UNC80: variants seen among roughly 807,000 people sequenced by gnomAD.
The protein encoded by UNC80 is unc-80 subunit of NALCN channel complex, also known as protein unc-80 homolog.
Under a neutral mutation model 384.6 loss-of-function variants are expected in UNC80, and 164 were observed. That is an observed-to-expected ratio of 0.43 (90% CI 0.38 to 0.49). UNC80 has a LOEUF of 0.49. Among genes scored for constraint, UNC80 ranks in the 20% least tolerant of loss-of-function variants. The pLI, the probability that UNC80 is intolerant of heterozygous loss-of-function variation, is 0.00. For synonymous variants in UNC80, 1,486 were observed against 1,527.8 expected (o/e 0.97, Z 0.64); for missense variants, 3,330 against 4,143.0 (o/e 0.80, Z 5.39).
intron 55 of UNC80, 119 bp downstream of exon 55, chr2:209,972,443 T>A (rs2092909209): frequency 7.5e-7 from 1 of 1,335,000 alleles, no homozygotes; most frequent in Non-Finnish European, 1.0e-6. Context: ...CTGAATGATT[T>A]AAATAGGGTC....
Position 209,820,619 on chromosome 2 carries a change from AGGAGGAGGT to A in UNC80, c.2286_2294del (p.Gly764_Gly766del), listed in dbSNP as rs918663368. The A allele has an allele frequency of 6.5e-7, 1 of 1,550,180 alleles. No homozygotes were observed. Among genetic ancestry groups the A allele is most frequent in the Non-Finnish European group, 8.7e-7 (1 of 1,146,120 alleles). ...ATGGAGGAGGTGGAGGAGGTGATGG[AGGAGGAGGT>A]GGAGGAGGTGGAGGCGGCCCTTATG... On this transcript the variant is annotated inframe_deletion, in exon 13 of 65. Transcript: ENST00000673920.
At chr2:209,941,094 GCAGTAGATCTTCA>G in intron 43 of UNC80, 114 bp from the exon 44 acceptor site, 1 of 1,218,224 alleles carries the variant, frequency 8.2e-7, no homozygotes, top group Non-Finnish European at 1.1e-6. Context: ...AAACATTTCA[GCAGTAGATCTTCA>G]CATCCTGGAG....
In UNC80 at chr2:209,973,065, T is replaced by C; in HGVS notation, c.8382T>C (p.Asp2794=). 1 of 1,551,432 alleles carries C rather than the reference T, an allele frequency of 6.4e-7. No homozygotes were observed. The highest frequency in any genetic ancestry group is 8.7e-7 in the Non-Finnish European group (1 of 1,146,952). The change falls in exon 56 of 65, where the codon GAT becomes GAC. Residue 2794 remains aspartate, a splice_region_variant and synonymous_variant. Transcript: ENST00000673920. ...CGTCTTCCAAATTCTGCCCCTCAGA[T>C]AGCCCATGGCTGGAGCAGCCTGAGG... ...FVLTVGSGSK[D]SPWLEQPEVQ... is the part of the protein sequence containing the mutation.
intron 5 of UNC80, among the ~76,000 whole-genome samples, chr2:209,787,856 A>G (rs1439904507): frequency 6.6e-6 from 1 of 152,152 alleles, no homozygotes; most frequent in Non-Finnish European, 1.5e-5. Flanking sequence ...TATTATTTTT[A>G]AAAAGTTAAC....
At chr2:209,934,119 A>G (rs2091081098) in intron 39 of UNC80, 114 bp downstream of exon 39, 5 of 1,009,156 alleles carry the variant, frequency 5.0e-6, no homozygotes, top group South Asian at 4.0e-5. Flanking sequence ...TCTAACCCCC[A>G]GTATTGAGTG....
chr2:209,950,621 C>G (rs1274894937), intron 47 of UNC80, among the ~76,000 whole-genome samples: 2 of 150,700 alleles, frequency 1.3e-5, no homozygotes, highest in African/African-American at 4.9e-5. Flanking sequence ...TGCAATGGCA[C>G]AATCTCGGCT....
chr2:209,800,232 C>G (rs1253245822), intron 7 of UNC80, among the ~76,000 whole-genome samples: 1 of 152,142 alleles, frequency 6.6e-6, no homozygotes, highest in East Asian at 1.9e-4. Context: ...GCATCAATTT[C>G]AGAGCTTGCT....
intron 17 of UNC80, among the ~76,000 whole-genome samples, chr2:209,834,655 A>G (rs557372779): frequency 1.3e-5 from 2 of 152,348 alleles, no homozygotes; most frequent in Non-Finnish European, 2.9e-5. Context: ...AAAAATTAAA[A>G]TAAACTCCTA....
rs144884574 is a variant in UNC80, at chr2:209,939,203, G to A, written c.6466-269G>A. Among the ~76,000 whole-genome samples, 525 of 152,230 alleles carry A rather than the reference G, an allele frequency of 3.4e-3. 4 individuals are homozygous for A. The highest frequency in any genetic ancestry group is 0.012 in the African/African-American group (490 of 41,534). ...TTAATATTGAACTAATCTTGACAAT[G>A]CTTGCCTTATGCTCCTCTCCAGCCT... On this transcript the variant is annotated intron_variant, in intron 42 of 64. Transcript: ENST00000673920.
At chr2:209,990,874 A>G (rs758404051) in intron 61 of UNC80, among the ~76,000 whole-genome samples, 43 of 152,356 alleles carry the variant, frequency 2.8e-4, no homozygotes, top group Non-Finnish European at 2.8e-4. Context: ...TGAACCCCAA[A>G]TGGTGTAATT....
rs565774379 is a variant in UNC80 at position 209,869,499 on chromosome 2, G to A, written c.3628-3259G>A. Among the ~76,000 whole-genome samples, 5 of 152,036 alleles carry A rather than the reference G, an allele frequency of 3.3e-5. No individual in the cohort carries two copies. The South Asian group carries it at 6.2e-4, about 19-fold the overall frequency. On this transcript the variant is annotated intron_variant, in intron 22 of 64. Coordinates refer to ENST00000673920, the MANE Select transcript of UNC80 (RefSeq NM_001371986.1). ...TTATTGCCCGTAGATTTGTACCTTA[G>A]CATCACCCTCAATTTTCAGTATAGT...
In UNC80 at chr2:209,819,172, T is replaced by C. The variant is rs2079963853; in HGVS notation, c.1873T>C (p.Ser625Pro). ...TAACCTACCTCGAAGCCTCACAGAC[T>C]CCTGCATAAACTACAGCTACCTAGA... ...CANLPRSLTD[S>P]CINYSYLEDT... Residue 625 changes from serine to proline, a missense_variant, in exon 12 of 65, where the codon TCC (serine) becomes CCC (proline). This residue lies in a region of UNC80 where 937 missense variants were observed against 1,026.8 expected (regional missense o/e 0.91). Coordinates refer to ENST00000673920, the MANE Select transcript of UNC80 (RefSeq NM_001371986.1). 6.4e-7 allele frequency: 1 copy of C among 1,552,048 alleles called. No homozygotes were observed. The highest frequency in any genetic ancestry group is 1.2e-5 in the South Asian group (1 of 84,070).
chr2:209,808,765 A>ACTTCTGCGCTACTCAGCGACCTCGTTG (rs2079102352), intron 7 of UNC80: 20 of 44,554 alleles, frequency 4.5e-4, no homozygotes, highest in South Asian at 2.4e-3. Flanking sequence ...CGCCTGCGCT[A>ACTTCTGCGCTACTCAGCGACCTCGTTG]CTTCTGCGCT....
intron 22 of UNC80, among the ~76,000 whole-genome samples, chr2:209,868,509 C>A (rs912927153): frequency 1.4e-4 from 22 of 152,036 alleles, no homozygotes; most frequent in Admixed American, 1.3e-3. Context: ...TTTTAGGTCC[C>A]CAGGCAAAAT....
intron 28 of UNC80, among the ~76,000 whole-genome samples, chr2:209,901,063 T>A (rs1678091495): frequency 6.6e-6 from 1 of 152,224 alleles, no homozygotes; most frequent in Non-Finnish European, 1.5e-5. Flanking sequence ...AGTACTGATG[T>A]AGAAGTTGCA....
intron 14 of UNC80, among the ~76,000 whole-genome samples, chr2:209,826,961 G>C (rs1376169810): frequency 6.6e-6 from 1 of 151,750 alleles, no homozygotes; most frequent in East Asian, 1.9e-4. Context: ...TAGCATGCTG[G>C]GTTTCTTGCT....
Position 209,878,171 on chromosome 2 carries a change from T to G in UNC80, c.3976+82T>G, listed in dbSNP as rs6754623. 2.4e-3 allele frequency: 3,217 copies of G among 1,338,266 alleles called. 59 individuals carry two copies. In the African/African-American group the frequency reaches 0.044, roughly 18 times the overall value. The allele number at this position is 1,338,266 out of a possible 1,614,324, so 82.9% of individuals were successfully genotyped here. A position where few individuals can be genotyped will look rare whatever the true frequency, so the allele number is the denominator to read the frequency against. ...AGCACTTAATACTTCTCTTTTCTCCTTCATATTCTTACCACCTCCCCATGT... is the reference window on the plus strand; with the variant it reads ...AGCACTTAATACTTCTCTTTTCTCCGTCATATTCTTACCACCTCCCCATGT... On this transcript the variant is annotated intron_variant, in intron 24 of 64. Coordinates refer to ENST00000673920, the MANE Select transcript of UNC80 (RefSeq NM_001371986.1).
intron 25 of UNC80, among the ~76,000 whole-genome samples, chr2:209,886,733 G>C (rs984251335): frequency 2.0e-5 from 3 of 152,152 alleles, no homozygotes; most frequent in African/African-American, 7.2e-5. Flanking sequence ...TTCCCCACTT[G>C]TTTGCCAAAC....
At chr2:209,821,889 G>A (rs979319025) in intron 13 of UNC80, among the ~76,000 whole-genome samples, 1 of 152,104 alleles carries the variant, frequency 6.6e-6, no homozygotes, top group Non-Finnish European at 1.5e-5. Flanking sequence ...AAGTTATACT[G>A]TGTAGAGTTC....
Sources: allele counts gnomAD v4.1 joint callset (sites outside exome capture counted in the v4.1 genomes callset), GRCh38; gene constraint gnomAD v4.1.1; regional missense constraint gnomAD v4.1.1; transcripts MANE v1.5; gene names NCBI Gene and HGNC (gene_info 2026-07-23, HGNC 2026-07-21).